Variants in AGT observed in about 807,000 individuals in gnomAD.
AGT encodes the protein angiotensinogen, also known as alpha-1 antiproteinase, antitrypsin.
AGT carries 26 observed loss-of-function variants against 28.1 expected under a neutral mutation model. The observed-to-expected ratio is 0.92, with a 90% CI of 0.68 to 1.28. The LOEUF is 1.28. Among genes scored for constraint, AGT ranks in the 50% most tolerant of loss-of-function variants. The probability of loss-of-function intolerance (pLI) is 0.00; values close to 1 mark genes in which losing one functional copy is unlikely to be tolerated. For missense variants in AGT, 596 were observed against 592.3 expected, an observed-to-expected ratio of 1.01 and a Z score of -0.06; for synonymous variants, 259 against 259.6, an observed-to-expected ratio of 1.00 and a Z score of 0.02.
intron 1 of AGT, among the ~76,000 whole-genome samples, chr1:230,740,558 A>T (rs887606409): frequency 3.3e-5 from 5 of 152,258 alleles, no homozygotes; most frequent in African/African-American, 1.2e-4. Flanking sequence ...ACCATTTTAA[A>T]ATGAATAAGA....
upstream of AGT, among the ~76,000 whole-genome samples, chr1:230,717,861 A>G (rs1052551335): frequency 4.6e-5 from 7 of 152,236 alleles, no homozygotes; most frequent in Admixed American, 4.6e-4. Flanking sequence ...ACACTCAAAT[A>G]CAAACAGAAT....
At chr1:230,731,289 G>A (rs370002557) in intron 1 of AGT, among the ~76,000 whole-genome samples, 5 of 152,080 alleles carry the variant, frequency 3.3e-5, no homozygotes, top group South Asian at 2.1e-4. Flanking sequence ...GGCTTCTAGC[G>A]GTCCCACAGG....
intron 2 of AGT, among the ~76,000 whole-genome samples, chr1:230,708,365 G>C (rs183614339): frequency 6.6e-6 from 1 of 152,112 alleles, no homozygotes; most frequent in Non-Finnish European, 1.5e-5. Context: ...CTCAGTGAGC[G>C]CTCCTCCCAG....
intron 1 of AGT, among the ~76,000 whole-genome samples, chr1:230,740,982 G>T (rs1318918249): frequency 6.6e-6 from 1 of 152,048 alleles, no homozygotes; most frequent in Non-Finnish European, 1.5e-5. Flanking sequence ...ACTGCGGAGA[G>T]TAAATTCCTA....
intron 2 of AGT, among the ~76,000 whole-genome samples, chr1:230,707,887 A>T (rs3789669): frequency 1.3e-5 from 2 of 151,958 alleles, no homozygotes; most frequent in African/African-American, 4.8e-5. Flanking sequence ...CATGGAAACC[A>T]CCAGGGCCAG....
intron 1 of AGT, among the ~76,000 whole-genome samples, chr1:230,721,890 C>A (rs1022303624): frequency 2.0e-5 from 3 of 151,612 alleles, no homozygotes; most frequent in Non-Finnish European, 4.4e-5. Context: ...ATAAAAGAAC[C>A]ATTTTCTTGG....
At chr1:230,708,264 T>C (rs1461034494) in intron 2 of AGT, among the ~76,000 whole-genome samples, 1 of 152,106 alleles carries the variant, frequency 6.6e-6, no homozygotes, top group Non-Finnish European at 1.5e-5. Flanking sequence ...GGCTCTGCGG[T>C]CTGGGTCAGG....
intron 1 of AGT, among the ~76,000 whole-genome samples, chr1:230,731,003 A>T (rs1305672860): frequency 6.6e-6 from 1 of 152,206 alleles, no homozygotes; most frequent in Non-Finnish European, 1.5e-5. Flanking sequence ...CACACCCTAT[A>T]GCTTAATAAT....
Position 230,704,285 on chromosome 1 carries a change from G to A in AGT, c.1150C>T (p.Gln384Ter). Residue 384 changes from glutamine to a stop codon, truncating the protein, a stop_gained, in exon 4 of 5, where the codon CAG (glutamine) becomes TAG (stop). Transcript: ENST00000366667. LOFTEE classifies it high-confidence loss of function. ...QLVLQGSYDL[Q>*]DLLAQAELPA... ...AGCTCAGCCTGGGCGAGCAGGTCCT[G>A]CAGGTCATAAGATCCTTGCAGCACC... The A allele has an allele frequency of 6.2e-7, 1 of 1,614,244 alleles. No individual in the cohort carries two copies. The highest frequency in any genetic ancestry group is 8.5e-7 in the Non-Finnish European group (1 of 1,180,050).
intron 1 of AGT, among the ~76,000 whole-genome samples, chr1:230,724,117 C>T (rs1045357377): frequency 1.3e-5 from 2 of 152,188 alleles, no homozygotes; most frequent in Admixed American, 1.3e-4. Context: ...CAGCCATGCT[C>T]ATTAGTTTAT....
intron 4 of AGT, among the ~76,000 whole-genome samples, chr1:230,703,814 T>C (rs1558285331): frequency 6.6e-6 from 1 of 152,216 alleles, no homozygotes; most frequent in Middle Eastern, 3.2e-3. Flanking sequence ...AGGGGGACAT[T>C]CTGTCTGCTG....
At chr1:230,723,910 G>A (rs1005102419) in intron 1 of AGT, among the ~76,000 whole-genome samples, 31 of 152,288 alleles carry the variant, frequency 2.0e-4, no homozygotes, top group African/African-American at 7.5e-4. Context: ...TGGACAAAAA[G>A]AAAAACTTTT....
chr1:230,708,960 C>T (rs752297740), intron 2 of AGT, among the ~76,000 whole-genome samples: 1 of 152,226 alleles, frequency 6.6e-6, no homozygotes, highest in Admixed American at 6.5e-5. Context: ...GCCCCATCCT[C>T]GTTCCTTGCC....
At chr1:230,723,271 T>C (rs1663881058) in intron 1 of AGT, among the ~76,000 whole-genome samples, 1 of 152,226 alleles carries the variant, frequency 6.6e-6, no homozygotes, top group Admixed American at 6.5e-5. Context: ...ATTAAACCTC[T>C]TTCCCTTATA....
intron 4 of AGT, 135 bp from the exon 5 acceptor site, chr1:230,703,464 C>A: frequency 2.2e-6 from 2 of 896,738 alleles, no homozygotes; most frequent in East Asian, 2.6e-5. Context: ...TCCAGCCTGC[C>A]AGGAGGATGC....
intron 1 of AGT, among the ~76,000 whole-genome samples, chr1:230,723,525 T>C (rs535159453): frequency 1.5e-4 from 23 of 152,300 alleles, no homozygotes; most frequent in Non-Finnish European, 1.6e-4. Flanking sequence ...AGGGGAGTCA[T>C]CAAAGTGTAG....
At chr1:230,730,438 C>G (rs1664032900) in intron 1 of AGT, among the ~76,000 whole-genome samples, 1 of 152,114 alleles carries the variant, frequency 6.6e-6, no homozygotes, top group Non-Finnish European at 1.5e-5. Context: ...CGGCCATGCT[C>G]CTGCTTCTCC....
intron 1 of AGT, among the ~76,000 whole-genome samples, chr1:230,724,198 A>G (rs1663894874): frequency 6.6e-6 from 1 of 152,224 alleles, no homozygotes; most frequent in Admixed American, 6.5e-5. Flanking sequence ...TATGAACTGC[A>G]AAGCCTGAAA....
At chr1:230,740,821 C>T (rs1283541067) in intron 1 of AGT, among the ~76,000 whole-genome samples, 12 of 152,082 alleles carry the variant, frequency 7.9e-5, no homozygotes, top group South Asian at 2.1e-4. Context: ...TGGTGGCACA[C>T]GCCTGTAGTC....
Sources: gnomAD v4.1 joint callset for allele counts (sites outside exome capture counted in the v4.1 genomes callset) on GRCh38, gnomAD v4.1.1 for gene constraint, MANE v1.5 for transcripts, NCBI Gene and HGNC (gene_info 2026-07-23, HGNC 2026-07-21) for gene names.